Variants in DMXL2 observed in about 807,000 individuals in gnomAD.
DMXL2 encodes the protein Dmx like 2.
A neutral mutation model predicts 331.1 loss-of-function variants in DMXL2; 103 were observed. That is an observed-to-expected ratio of 0.31 (90% CI 0.27 to 0.37). The LOEUF (loss-of-function observed/expected upper bound fraction) is 0.37. Among genes scored for constraint, DMXL2 ranks in the 10% least tolerant of loss-of-function variants. DMXL2 has a pLI of 1.00. For synonymous variants in DMXL2, 1,281 were observed against 1,252.1 expected (o/e 1.02, Z -0.49); for missense variants, 3,171 against 3,642.9 (o/e 0.87, Z 3.33).
chr15:51,481,692 A>T, intron 23 of DMXL2, 69 bp from the exon 24 acceptor site: 1 of 1,394,862 alleles, frequency 7.2e-7, no homozygotes, highest in South Asian at 1.6e-5. Context: ...AAAACAATAA[A>T]ATACGTCAGC....
At chr15:51,590,710 C>CA (rs754456292) in intron 1 of DMXL2, among the ~76,000 whole-genome samples, 1 of 152,058 alleles carries the variant, frequency 6.6e-6, no homozygotes, top group South Asian at 2.1e-4. Flanking sequence ...ACTCTTTATT[C>CA]AACAACTATT....
At chr15:51,511,030 AC>A (rs2046725449) in intron 15 of DMXL2, among the ~76,000 whole-genome samples, 1 of 152,212 alleles carries the variant, frequency 6.6e-6, no homozygotes, top group African/African-American at 2.4e-5. Context: ...TACACTTCAT[AC>A]AAAAATTAAC....
At chr15:51,596,978 A>G (rs12050598) in intron 1 of DMXL2, among the ~76,000 whole-genome samples, 72,804 of 151,816 alleles carry the variant, frequency 0.48, 17,822 homozygotes, top group Non-Finnish European at 0.52. Flanking sequence ...GTTAAATGAC[A>G]AGTTGATGGG....
chr15:51,565,221 A>G, intron 3 of DMXL2, 55 bp from the exon 4 acceptor site: 1 of 1,167,976 alleles, frequency 8.6e-7, no homozygotes, highest in African/African-American at 1.6e-5. Flanking sequence ...TTTTTCAAAT[A>G]ATATCCCAAA....
At chr15:51,454,825 A>AG (rs1491162452) in intron 40 of DMXL2, among the ~76,000 whole-genome samples, 17 of 152,136 alleles carry the variant, frequency 1.1e-4, no homozygotes, top group African/African-American at 4.1e-4. Flanking sequence ...GAATTTTATC[A>AG]TGTGTATATT....
chr15:51,569,549 A>ACTGT (rs1381646045), intron 2 of DMXL2, among the ~76,000 whole-genome samples: 3 of 152,204 alleles, frequency 2.0e-5, no homozygotes, highest in Non-Finnish European at 4.4e-5. Flanking sequence ...ACCTCACAGT[A>ACTGT]GGGGCCTACA....
rs775667946 is a variant in DMXL2 at position 51,491,759 on chromosome 15, ATATAAAAT to A, written c.4784-20_4784-13del. 1.9e-5 allele frequency: 30 copies of A among 1,586,496 alleles called. No individual in the cohort carries two copies. Among genetic ancestry groups the A allele is most frequent in the Non-Finnish European group, 2.3e-5 (27 of 1,171,360 alleles). On this transcript the variant is annotated splice_polypyrimidine_tract_variant and intron_variant, in intron 19 of 43. Transcript: ENST00000560891. ...GCATGTAGAGACACCTAAATTGGAA[ATATAAAAT>A]AATAATCTGCGTAACTGTATCAAAT...
intron 1 of DMXL2, among the ~76,000 whole-genome samples, chr15:51,599,397 T>A (rs1223797984): frequency 6.6e-6 from 1 of 152,214 alleles, no homozygotes; most frequent in African/African-American, 2.4e-5. Flanking sequence ...AAAACAAATG[T>A]GTGTGTATGT....
At chr15:51,579,330 G>C (rs1029490632) in intron 1 of DMXL2, among the ~76,000 whole-genome samples, 3 of 151,984 alleles carry the variant, frequency 2.0e-5, no homozygotes, top group Admixed American at 1.3e-4. Context: ...AAGTGCACAG[G>C]GGCATTTTCT....
intron 9 of DMXL2, 129 bp downstream of exon 9, chr15:51,542,204 T>C: frequency 4.6e-6 from 4 of 866,134 alleles, no homozygotes; most frequent in Non-Finnish European, 7.0e-6. Flanking sequence ...TTATATTATA[T>C]CTCTACTCCA....
rs192410873 is a variant in DMXL2 at position 51,536,265 on chromosome 15, T to C, written c.2215A>G (p.Thr739Ala). 53 of 1,614,066 alleles carry C rather than the reference T, an allele frequency of 3.3e-5. No homozygotes were observed. In the East Asian group the frequency reaches 7.8e-4, roughly 24 times the overall value. Reference protein sequence around the residue: ...RVDPIGPLSYTGGVSELARIN... With the variant: ...RVDPIGPLSYAGGVSELARIN... ...CGAGCCAATTCTGATACTCCTCCAGTGTATGACAAAGGTCCTATTGGGTCT... is the reference window on the plus strand; with the variant it reads ...CGAGCCAATTCTGATACTCCTCCAGCGTATGACAAAGGTCCTATTGGGTCT... The change falls in exon 12 of 44, where the codon ACT (threonine) becomes GCT (alanine). Residue 739 changes from threonine to alanine, a missense_variant. Physicochemically the swap from Thr to Ala is moderately conservative, Grantham distance 58. Transcript: ENST00000560891.
intron 15 of DMXL2, among the ~76,000 whole-genome samples, chr15:51,513,808 T>C (rs1042172955): frequency 6.6e-6 from 1 of 152,186 alleles, no homozygotes; most frequent in Non-Finnish European, 1.5e-5. Flanking sequence ...AAGTTATATA[T>C]ATACACACAA....
chr15:51,519,300 T>C (rs939635278), intron 13 of DMXL2, among the ~76,000 whole-genome samples: 2 of 152,064 alleles, frequency 1.3e-5, no homozygotes. Context: ...AATTTTTTTG[T>C]AGAGACAGGG....
chr15:51,589,155 T>G (rs749995006), intron 1 of DMXL2, among the ~76,000 whole-genome samples: 18 of 152,118 alleles, frequency 1.2e-4, no homozygotes, highest in Non-Finnish European at 2.6e-4. Context: ...TCCGGGAAAT[T>G]TAAACCAAAA....
At chr15:51,488,301 A>C (rs938301639) in intron 21 of DMXL2, among the ~76,000 whole-genome samples, 182 bp from the exon 22 acceptor site, 1 of 152,244 alleles carries the variant, frequency 6.6e-6, no homozygotes, top group Non-Finnish European at 1.5e-5. Context: ...ATAATGCCTT[A>C]TGTATACATA....
intron 42 of DMXL2, among the ~76,000 whole-genome samples, chr15:51,450,949 TTC>T (rs1326966141): frequency 4.6e-5 from 7 of 152,232 alleles, no homozygotes; most frequent in Admixed American, 2.0e-4. Context: ...CTGAGAATCT[TTC>T]TGTCTTTCTG....
intron 37 of DMXL2, 190 bp downstream of exon 37, chr15:51,457,138 C>A: frequency 6.5e-6 from 4 of 613,758 alleles, no homozygotes; most frequent in Non-Finnish European, 1.1e-5. Context: ...CACCACTGCA[C>A]TCCAGCCTGC....
intron 26 of DMXL2, among the ~76,000 whole-genome samples, chr15:51,476,994 T>C (rs1039505177): frequency 5.9e-5 from 9 of 152,228 alleles, no homozygotes; most frequent in South Asian, 2.1e-4. Flanking sequence ...TTAAAATCTT[T>C]TCTATTTGCA....
chr15:51,599,313 C>A (rs1015848123), intron 1 of DMXL2, among the ~76,000 whole-genome samples: 1 of 152,156 alleles, frequency 6.6e-6, no homozygotes, highest in Admixed American at 6.5e-5. Context: ...ATTTAGAAAC[C>A]AAGATCTAGA....
Sources: allele counts gnomAD v4.1 joint callset (sites outside exome capture counted in the v4.1 genomes callset), GRCh38; gene constraint gnomAD v4.1.1; transcripts MANE v1.5; gene names NCBI Gene and HGNC (gene_info 2026-07-23, HGNC 2026-07-21).